ISM1: variants seen among roughly 807,000 people sequenced by gnomAD.
The protein encoded by ISM1 is isthmin 1.
In ISM1, 25 loss-of-function variants were observed where a neutral mutation model predicts 46.3. The observed-to-expected ratio is 0.54, with a 90% CI of 0.39 to 0.75. ISM1 has a LOEUF of 0.75. ISM1 is among the 30% of genes least tolerant of loss of function. The pLI, the probability that ISM1 is intolerant of heterozygous loss-of-function variation, is 0.00. For missense variants in ISM1, 536 were observed against 625.4 expected (o/e 0.86, Z 1.52); for synonymous variants, 255 against 256.7 (o/e 0.99, Z 0.06).
the ISM1 span, among the ~76,000 whole-genome samples, chr20:13,326,442 T>G: frequency 6.6e-6 from 1 of 152,218 alleles, no homozygotes; most frequent in Non-Finnish European, 1.5e-5. Flanking sequence ...TCAGAGTGGC[T>G]GTACCATTTC....
chr20:13,320,969 C>T, the ISM1 span, among the ~76,000 whole-genome samples: 2 of 152,000 alleles, frequency 1.3e-5, no homozygotes, highest in Admixed American at 6.6e-5. Context: ...GAGGCCGAGG[C>T]TGGTGGATCA....
intron 1 of ISM1, among the ~76,000 whole-genome samples, chr20:13,250,416 T>C (rs1568670600): frequency 6.6e-6 from 1 of 152,182 alleles, no homozygotes; most frequent in East Asian, 1.9e-4. Flanking sequence ...CTTGGGGGCA[T>C]ATGGAGTTTT....
the ISM1 span, among the ~76,000 whole-genome samples, chr20:13,306,564 C>CAAAAAAAAAAAAAAAAAAAAAAAAAGA: frequency 6.3e-5 from 4 of 63,914 alleles, no homozygotes; most frequent in East Asian, 5.3e-4. Context: ...GGAGAAAGGA[C>CAAAAAAAAAAAAAAAAAAAAAAAAAGA]AAAAAAAAAA....
the ISM1 span, among the ~76,000 whole-genome samples, chr20:13,311,548 C>G: frequency 6.6e-6 from 1 of 152,132 alleles, no homozygotes; most frequent in Non-Finnish European, 1.5e-5. Context: ...TGTTCATATA[C>G]AGATAAACAA....
chr20:13,294,662 C>CA (rs1474213719), intron 5 of ISM1, among the ~76,000 whole-genome samples: 4 of 152,128 alleles, frequency 2.6e-5, no homozygotes, highest in Non-Finnish European at 5.9e-5. Flanking sequence ...GGACTGCTTG[C>CA]AAAGGTACAA....
rs773155564 is a variant in ISM1 at position 13,299,414 on chromosome 20, G to A, written c.1350G>A (p.Ser450=). 1.4e-5 allele frequency: 23 copies of A among 1,610,906 alleles called. No individual in the cohort carries two copies. The highest frequency in any genetic ancestry group is 1.9e-5 in the Non-Finnish European group (22 of 1,179,728). Residue 450 remains serine, a synonymous_variant, in exon 6 of 6, where the codon TCG becomes TCA. Coordinates refer to ENST00000262487, the MANE Select transcript of ISM1 (RefSeq NM_080826.2). This position sits in a 1 kb window ranked among gnomAD's most constrained non-coding sequence, Gnocchi z 5.8. The part of the protein sequence containing the change: ...NNGQKCTESP[S]DEDYIKQFQE... ...GACAGAAGTGCACAGAGAGCCCCTC[G>A]GACGAGGACTACATCAAGCAGTTCC...
chr20:13,310,486 G>GAA, the ISM1 span, among the ~76,000 whole-genome samples: 5 of 151,886 alleles, frequency 3.3e-5, no homozygotes, highest in Admixed American at 1.3e-4. Context: ...AAGGAAACAG[G>GAA]AAAAAAAATG....
At chr20:13,260,408 C>T (rs1197942013) in intron 1 of ISM1, among the ~76,000 whole-genome samples, 2 of 152,160 alleles carry the variant, frequency 1.3e-5, no homozygotes, top group Admixed American at 6.5e-5. Context: ...TGAAGAAAGT[C>T]GTTGGCAGGG....
At chr20:13,235,692 C>CT (rs1396506779) in intron 1 of ISM1, among the ~76,000 whole-genome samples, 1 of 152,172 alleles carries the variant, frequency 6.6e-6, no homozygotes, top group East Asian at 1.9e-4. Context: ...CACTTTCCAT[C>CT]TTTTTTCAGA....
At chr20:13,321,530 A>G in the ISM1 span, among the ~76,000 whole-genome samples, 5 of 152,132 alleles carry the variant, frequency 3.3e-5, no homozygotes, top group Non-Finnish European at 7.3e-5. Context: ...CTGCAAGGTA[A>G]ACATAATCCT....
chr20:13,274,105 A>ATACC (rs1568681635), intron 2 of ISM1, among the ~76,000 whole-genome samples: 1 of 151,986 alleles, frequency 6.6e-6, no homozygotes, highest in African/African-American at 2.4e-5. Context: ...GCACACAAAC[A>ATACC]CACCCACACA....
At chr20:13,322,797 C>T in the ISM1 span, among the ~76,000 whole-genome samples, 1 of 152,092 alleles carries the variant, frequency 6.6e-6, no homozygotes, top group Non-Finnish European at 1.5e-5. Context: ...AAGCAAGGGG[C>T]TTTTTATTTA....
At chr20:13,230,555 C>G (rs2039576843) in intron 1 of ISM1, among the ~76,000 whole-genome samples, 1 of 152,038 alleles carries the variant, frequency 6.6e-6, no homozygotes, top group African/African-American at 2.4e-5. Context: ...TTACCCTTTA[C>G]AAATTTTATG....
intron 1 of ISM1, 115 bp downstream of exon 1, chr20:13,222,029 G>A (rs2039456010): frequency 2.9e-6 from 3 of 1,032,766 alleles, no homozygotes; most frequent in Non-Finnish European, 3.8e-6. Context: ...CCACCTAAGA[G>A]CAACTGTTTT....
chr20:13,231,382 G>A (rs77382541), intron 1 of ISM1, among the ~76,000 whole-genome samples: 2 of 152,166 alleles, frequency 1.3e-5, no homozygotes, highest in East Asian at 1.9e-4. Context: ...CAAAGGTCAC[G>A]CCTAGGCAAA....
downstream of ISM1, among the ~76,000 whole-genome samples, chr20:13,303,551 A>G (rs2040476103): frequency 6.6e-6 from 1 of 152,152 alleles, no homozygotes; most frequent in Non-Finnish European, 1.5e-5. Context: ...ACCTTCCTAC[A>G]TGCCCAGGTT....
intron 3 of ISM1, among the ~76,000 whole-genome samples, chr20:13,283,347 G>A (rs2040257538): frequency 1.3e-5 from 2 of 152,166 alleles, no homozygotes; most frequent in Non-Finnish European, 2.9e-5. Context: ...TGTATCTCGG[G>A]GCGTGCAGCC....
the ISM1 span, among the ~76,000 whole-genome samples, chr20:13,307,059 T>C: frequency 1.6e-4 from 24 of 152,274 alleles, no homozygotes; most frequent in South Asian, 4.2e-3. Flanking sequence ...GCTGATCCAG[T>C]GCCAGAAAGA....
At chr20:13,228,278 C>G (rs1047231983) in intron 1 of ISM1, among the ~76,000 whole-genome samples, 2 of 152,078 alleles carry the variant, frequency 1.3e-5, no homozygotes, top group Non-Finnish European at 2.9e-5. Context: ...TGGCCTGCTG[C>G]TGCTGCTTCA....
Sources: gnomAD v4.1 joint callset for allele counts (sites outside exome capture counted in the v4.1 genomes callset) on GRCh38, gnomAD v4.1.1 for gene constraint, Gnocchi (gnomAD v3.1) non-coding constraint, MANE v1.5 for transcripts, NCBI Gene and HGNC (gene_info 2026-07-23, HGNC 2026-07-21) for gene names.